Variants in WDR7 observed in about 807,000 individuals in gnomAD.
The protein encoded by WDR7 is WD repeat domain 7, also known as WD repeat-containing protein 7.
A neutral mutation model predicts 169.4 loss-of-function variants in WDR7; 46 were observed. The observed-to-expected ratio is 0.27, with a 90% CI of 0.21 to 0.35. The LOEUF (loss-of-function observed/expected upper bound fraction) is 0.35, where lower values mean the gene tolerates loss of function less well. WDR7 is among the 10% of genes least tolerant of loss of function. The probability of loss-of-function intolerance (pLI) is 1.00; values close to 1 mark genes in which losing one functional copy is unlikely to be tolerated. For synonymous variants in WDR7, 612 were observed against 666.8 expected (o/e 0.92, Z 1.27); for missense variants, 1,534 against 1,859.3 (o/e 0.83, Z 3.22).
At chr18:56,926,330 G>C (rs1490131487) in intron 22 of WDR7, among the ~76,000 whole-genome samples, 1 of 152,152 alleles carries the variant, frequency 6.6e-6, no homozygotes, top group Non-Finnish European at 1.5e-5. Flanking sequence ...GTTGGCTTCT[G>C]TTATTGCAGC....
At chr18:56,782,372 AT>A (rs1052714021) in intron 19 of WDR7, among the ~76,000 whole-genome samples, 24 of 152,104 alleles carry the variant, frequency 1.6e-4, no homozygotes, top group Middle Eastern at 3.4e-3. Context: ...TTACTAAATA[AT>A]TTTTTTAAGG....
intron 1 of WDR7, among the ~76,000 whole-genome samples, chr18:56,663,420 GTTGATAATAGTGAGT>G (rs1598942694): frequency 6.6e-6 from 1 of 152,188 alleles, no homozygotes; most frequent in East Asian, 1.9e-4. Context: ...TGATTATGGT[GTTGATAATAGTGAGT>G]GTGATAATGG....
chr18:56,972,384 A>T (rs1371046864), intron 26 of WDR7, among the ~76,000 whole-genome samples: 1 of 152,218 alleles, frequency 6.6e-6, no homozygotes, highest in Non-Finnish European at 1.5e-5. Context: ...CACAGTTTTC[A>T]CTGAGCAGAA....
chr18:56,769,848 T>A (rs2044124877), intron 16 of WDR7, among the ~76,000 whole-genome samples: 1 of 152,192 alleles, frequency 6.6e-6, no homozygotes, highest in Admixed American at 6.5e-5. Context: ...GTACTTAACA[T>A]AGAGTCCATA....
chr18:56,728,547 T>C (rs1354903805), intron 13 of WDR7, among the ~76,000 whole-genome samples: 1 of 152,196 alleles, frequency 6.6e-6, no homozygotes, highest in African/African-American at 2.4e-5. Flanking sequence ...CCCAGCATAG[T>C]CATCCTTTCT....
chr18:56,955,318 CAA>C (rs1326108354), intron 25 of WDR7, among the ~76,000 whole-genome samples: 2 of 152,002 alleles, frequency 1.3e-5, no homozygotes, highest in Non-Finnish European at 2.9e-5. Flanking sequence ...CATATTAAAA[CAA>C]AAAACTTGAC....
intron 20 of WDR7, among the ~76,000 whole-genome samples, chr18:56,849,924 C>T (rs548212624): frequency 9.8e-5 from 15 of 152,306 alleles, no homozygotes; most frequent in African/African-American, 3.4e-4. Context: ...CTACTATTGA[C>T]GACATGGTCT....
chr18:56,816,292 T>A (rs762241047), intron 20 of WDR7, 148 bp downstream of exon 20: 26 of 653,730 alleles, frequency 4.0e-5, no homozygotes, highest in Non-Finnish European at 6.2e-5. Flanking sequence ...AACTGTTCAG[T>A]GTCCTCTTTA....
At chr18:56,939,787 A>G (rs899593994) in intron 25 of WDR7, among the ~76,000 whole-genome samples, 1 of 152,062 alleles carries the variant, frequency 6.6e-6, no homozygotes, top group Non-Finnish European at 1.5e-5. Flanking sequence ...GATAAAGTTT[A>G]TTTTTAATAC....
chr18:56,820,359 A>AAAACAAAAAAAAAAAAAAAAAAAAAC (rs1555695957), intron 20 of WDR7, among the ~76,000 whole-genome samples: 1 of 127,464 alleles, frequency 7.8e-6, no homozygotes, highest in African/African-American at 3.5e-5. Context: ...AAAAAAAAAA[A>AAAACAAAAAAAAAAAAAAAAAAAAAC]AAAAACCACC....
chr18:56,781,194 A>G (rs1305089624), intron 18 of WDR7, among the ~76,000 whole-genome samples: 12 of 152,228 alleles, frequency 7.9e-5, no homozygotes, highest in Admixed American at 7.2e-4. Flanking sequence ...AGAAATTTTA[A>G]AAGTAAAATG....
At chr18:57,010,424 A>T in intron 26 of WDR7, 1 of 393,904 alleles carries the variant, frequency 2.5e-6, no homozygotes, top group Non-Finnish European at 3.5e-6. Context: ...TGGCTGTGTA[A>T]TTATATTTTT....
chr18:56,820,359 A>AAAAAAAAAAAAAAAAAAAAAAAAAC (rs1044771844), intron 20 of WDR7, among the ~76,000 whole-genome samples: 11 of 127,508 alleles, frequency 8.6e-5, no homozygotes, highest in African/African-American at 3.9e-4. Flanking sequence ...AAAAAAAAAA[A>AAAAAAAAAAAAAAAAAAAAAAAAAC]AAAAACCACC....
intron 11 of WDR7, 124 bp from the exon 12 acceptor site, chr18:56,696,118 T>A (rs2025697660): frequency 3.7e-6 from 3 of 801,356 alleles, no homozygotes; most frequent in Non-Finnish European, 5.8e-6. Flanking sequence ...TGTTAGAAGA[T>A]AAAATTGGAA....
At chr18:56,657,407 CT>C (rs1350665802) in intron 1 of WDR7, among the ~76,000 whole-genome samples, 1 of 152,170 alleles carries the variant, frequency 6.6e-6, no homozygotes, top group Admixed American at 6.5e-5. Context: ...CCTAGGCCTC[CT>C]GAAGTGCTGG....
chr18:56,877,139 A>G (rs2046034272), intron 20 of WDR7, among the ~76,000 whole-genome samples: 1 of 152,216 alleles, frequency 6.6e-6, no homozygotes, highest in East Asian at 1.9e-4. Context: ...TGTTTAAGGG[A>G]TCCATATCTG....
intron 20 of WDR7, among the ~76,000 whole-genome samples, chr18:56,820,339 C>CAAAAAAAAAAAAAAAAAAAAA (rs386387798): frequency 2.4e-5 from 1 of 42,480 alleles, no homozygotes; most frequent in African/African-American, 1.2e-4. Flanking sequence ...CTGACATTGT[C>CAAAAAAAAAAAAAAAAAAAAA]AAAAAAAAAA....
Position 56,935,814 on chromosome 18 carries a change from C to A in WDR7, c.3740C>A (p.Pro1247Gln). ...ATCACAATGGGGTTGCCTCTGAGCC[C>A]AGCAGCTGACTCGGCCCGCTCTGCG... ...ANITMGLPLSPAADSARSARH... is the reference protein window; with the variant it reads ...ANITMGLPLSQAADSARSARH... Residue 1247 changes from proline to glutamine, a missense_variant, in exon 23 of 28, where the codon CCA becomes CAA. Coordinates refer to ENST00000254442, the MANE Select transcript of WDR7 (RefSeq NM_015285.3). 1 of 1,614,126 alleles carries A rather than the reference C, an allele frequency of 6.2e-7. No individual in the cohort carries two copies.
rs150975555 is a variant in WDR7, at chr18:56,696,386, C to T, written c.1502C>T (p.Ser501Phe). 5 of 1,613,914 alleles carry T rather than the reference C, an allele frequency of 3.1e-6. No homozygotes were observed. The highest frequency in any genetic ancestry group is 1.3e-5 in the African/African-American group (1 of 74,892). Residue 501 changes from serine to phenylalanine, a missense_variant, in exon 12 of 28, where the codon TCT becomes TTT. By Grantham distance (155) the Ser-to-Phe change is radical (BLOSUM62 -2). Transcript: ENST00000254442. ...DFSVIIWDIF[S>F]GEMKHIFCVH... ...TCAGTCATAATTTGGGACATATTTT[C>T]TGGAGAAATGAAACATATCTTCTGT... is the stretch of plus-strand genomic sequence containing the variant.
Sources: gnomAD v4.1 joint callset for allele counts (sites outside exome capture counted in the v4.1 genomes callset) on GRCh38, gnomAD v4.1.1 for gene constraint, MANE v1.5 for transcripts, NCBI Gene and HGNC (gene_info 2026-07-23, HGNC 2026-07-21) for gene names.